LYSMD1: variants seen among roughly 807,000 people sequenced by gnomAD.
LYSMD1 encodes the protein lysM and putative peptidoglycan-binding domain-containing protein 1.
A neutral mutation model predicts 19.3 loss-of-function variants in LYSMD1; 9 were observed. The observed-to-expected ratio is 0.47, with a 90% CI of 0.28 to 0.81. LYSMD1 has a LOEUF of 0.81. Among genes scored for constraint, LYSMD1 ranks in the 40% least tolerant of loss-of-function variants. The pLI, the probability that LYSMD1 is intolerant of heterozygous loss-of-function variation, is 0.11. For missense variants in LYSMD1, 262 were observed against 279.8 expected, an observed-to-expected ratio of 0.94 and a Z score of 0.45; for synonymous variants, 111 against 111.7, an observed-to-expected ratio of 0.99 and a Z score of 0.04.
At chr1:151,148,785 C>T in the LYSMD1 span, among the ~76,000 whole-genome samples, 1 of 152,074 alleles carries the variant, frequency 6.6e-6, no homozygotes, top group South Asian at 2.1e-4. Context: ...AAAAAAAGGT[C>T]CTGTGAGGCT....
the LYSMD1 span, among the ~76,000 whole-genome samples, chr1:151,150,233 G>A: frequency 1.3e-5 from 2 of 152,098 alleles, no homozygotes; most frequent in Admixed American, 6.5e-5. Context: ...TGGGATTACC[G>A]GCGTCAGCCA....
Position 151,165,441 on chromosome 1 carries a change from T to C in LYSMD1, c.-183A>G, listed in dbSNP as rs1182411310. ...CTCCCGGTTTCTCCTCCCTCCAAGC[T>C]ACTTATCCACAAATCTGTCCCTTGA... On this transcript the variant is annotated 5_prime_UTR_variant, in exon 1 of 3. Coordinates refer to ENST00000368908, the MANE Select transcript of LYSMD1 (RefSeq NM_212551.5). 17 of 1,430,388 alleles carry C rather than the reference T, an allele frequency of 1.2e-5. No homozygotes were observed. The South Asian group carries it at 2.6e-4, about 22-fold the overall frequency. 88.6% of individuals were successfully genotyped at this position (1,430,388 alleles called of 1,614,324 possible). A position where few individuals can be genotyped will look rare whatever the true frequency, so the allele number is the denominator to read the frequency against.
At chr1:151,156,471 T>A (rs1163322850), downstream of LYSMD1, among the ~76,000 whole-genome samples, 1 of 152,164 alleles carries the variant, frequency 6.6e-6, no homozygotes, top group Non-Finnish European at 1.5e-5. Flanking sequence ...CAAATCCCTT[T>A]CCCCCCTTCA....
At chr1:151,158,831 T>C, downstream of LYSMD1, 1 of 1,614,154 alleles carries the variant, frequency 6.2e-7, no homozygotes, top group Non-Finnish European at 8.5e-7. Context: ...CTCTACCGTG[T>C]GTCCAAGGAG....
At chr1:151,158,630 C>T (rs1396869835), downstream of LYSMD1, 1 of 1,354,334 alleles carries the variant, frequency 7.4e-7, no homozygotes, top group African/African-American at 1.5e-5. Context: ...AAAGCCATTT[C>T]TCTCTTTCTA....
chr1:151,160,754 G>C lies in LYSMD1; in HGVS notation c.*128C>G. 8.2e-7 allele frequency: 1 copy of C among 1,214,340 alleles called. No homozygotes were observed. Among genetic ancestry groups the C allele is most frequent in the South Asian group, 1.6e-5 (1 of 64,336 alleles). 75.2% of individuals were successfully genotyped at this position (1,214,340 alleles called of 1,614,324 possible). A position where few individuals can be genotyped will look rare whatever the true frequency, so the allele number is the denominator to read the frequency against. On this transcript the variant is annotated 3_prime_UTR_variant, in exon 3 of 3. Transcript: ENST00000368908. ...CAAGGAATTTTTGGCAGACAAGGAGGCTGGGGAGGATGGCTGGAGTGGAGG... is the reference window on the plus strand; with the variant it reads ...CAAGGAATTTTTGGCAGACAAGGAGCCTGGGGAGGATGGCTGGAGTGGAGG...
chr1:151,161,478 C>T (rs1410983508), intron 2 of LYSMD1, among the ~76,000 whole-genome samples: 1 of 149,180 alleles, frequency 6.7e-6, no homozygotes, highest in Non-Finnish European at 1.5e-5. Context: ...GCCTGGGCAA[C>T]AGAGCAAGAC....
At chr1:151,148,734 A>G in the LYSMD1 span, among the ~76,000 whole-genome samples, 1 of 152,174 alleles carries the variant, frequency 6.6e-6, no homozygotes, top group East Asian at 1.9e-4. Context: ...AGCTTCAGCA[A>G]AAGCTTTTAC....
chr1:151,157,511 C>T (rs1683265366), downstream of LYSMD1, among the ~76,000 whole-genome samples: 1 of 152,174 alleles, frequency 6.6e-6, no homozygotes, highest in Admixed American at 6.5e-5. Context: ...TTCAGTGTAG[C>T]AGAAGGCTCA....
downstream of LYSMD1, among the ~76,000 whole-genome samples, chr1:151,158,359 C>T (rs1683301293): frequency 6.6e-6 from 1 of 151,820 alleles, no homozygotes; most frequent in Non-Finnish European, 1.5e-5. Context: ...GTCAGGTAAG[C>T]CCTGTCTTCA....
downstream of LYSMD1, among the ~76,000 whole-genome samples, chr1:151,156,911 T>A (rs1406753382): frequency 6.6e-6 from 1 of 151,972 alleles, no homozygotes; most frequent in African/African-American, 2.4e-5. Context: ...TTGGATGCGG[T>A]GGGGGCAGGG....
intron 2 of LYSMD1, among the ~76,000 whole-genome samples, chr1:151,161,407 G>A (rs11576320): frequency 0.081 from 12,356 of 151,966 alleles, 740 homozygotes; most frequent in Non-Finnish European, 0.11. Flanking sequence ...TGAGGCAGGA[G>A]AATGGCGTGA....
rs987221652 is a variant in LYSMD1 at position 151,165,582 on chromosome 1, T to C, written c.-324A>G. The C allele has an allele frequency of 2.0e-6, 3 of 1,489,822 alleles. No individual in the cohort carries two copies. The highest frequency in any genetic ancestry group is 2.7e-6 in the Non-Finnish European group (3 of 1,124,986). 92.3% of individuals were successfully genotyped at this position (1,489,822 alleles called of 1,614,324 possible). A position where few individuals can be genotyped will look rare whatever the true frequency, so the allele number is the denominator to read the frequency against. The stretch of plus-strand genomic sequence containing the variant: ...ACTCTAGAAATAATCCTCAACACTC[T>C]TTCCTCAGTTTGCCCCCAAGTAGCC... On this transcript the variant is annotated 5_prime_UTR_variant, in exon 1 of 3. Coordinates refer to ENST00000368908, the MANE Select transcript of LYSMD1 (RefSeq NM_212551.5).
At position 151,161,993 on chromosome 1, in the gene LYSMD1, A is replaced by G; in HGVS notation, c.288T>C (p.Gly96=). ...CATCTTTCTCTTCCTCAGAGTCCAA[A>G]CCATTGAACAGGTCTCTGGGCTCTG... The part of the protein sequence containing the change: ...ILTEPRDLFN[G]LDSEEEKDGE... Residue 96 remains glycine (G), a synonymous_variant, in exon 2 of 3, where the codon GGT becomes GGC. Coordinates refer to ENST00000368908, the MANE Select transcript of LYSMD1 (RefSeq NM_212551.5). 6.2e-7 allele frequency: 1 copy of G among 1,613,812 alleles called. No individual in the cohort carries two copies. The highest frequency in any genetic ancestry group is 2.2e-5 in the East Asian group (1 of 44,882).
Position 151,165,730 on chromosome 1 carries a change from A to C in LYSMD1, c.-472T>G, listed in dbSNP as rs769522947. The C allele has an allele frequency of 6.4e-7, 1 of 1,551,726 alleles. No homozygotes were observed. The highest frequency in any genetic ancestry group is 1.2e-5 in the South Asian group (1 of 84,066). ...CGCAGACGAAGAGCGTGAGGATTGC[A>C]AGAATTTGTAGTACACCTTCCACTC... On this transcript the variant is annotated 5_prime_UTR_variant, in exon 1 of 3. Transcript: ENST00000368908.
the LYSMD1 span, among the ~76,000 whole-genome samples, chr1:151,154,022 A>G: frequency 1.6e-4 from 24 of 152,220 alleles, no homozygotes; most frequent in African/African-American, 5.5e-4. Flanking sequence ...AATGAACATT[A>G]TAACATGTGA....
At chr1:151,159,381 G>A (rs932635585), downstream of LYSMD1, 52 of 1,073,298 alleles carry the variant, frequency 4.8e-5, no homozygotes, top group African/African-American at 6.4e-5. Context: ...CTTCCCAAGA[G>A]TGCTTTTGAC....
In LYSMD1 at chr1:151,161,924, G is replaced by C. The variant is rs1461911403; in HGVS notation, c.357C>G (p.His119Gln). 4.3e-6 allele frequency: 7 copies of C among 1,614,130 alleles called. No individual in the cohort carries two copies. In the Admixed American group the frequency reaches 1.0e-4, roughly 23 times the overall value. ...VHPSNSEVWP[H>Q]STERKKQETG... ...TCTCTTGTTTCTTCCTCTCAGTTGA[G>C]TGTGGCCAAACTTCACTGTTACTTG... Residue 119 changes from histidine to glutamine, a missense_variant, in exon 2 of 3, where the codon CAC (histidine) becomes CAG (glutamine). Coordinates refer to ENST00000368908, the MANE Select transcript of LYSMD1 (RefSeq NM_212551.5).
At chr1:151,155,491 T>C (rs939557915), downstream of LYSMD1, among the ~76,000 whole-genome samples, 1 of 152,150 alleles carries the variant, frequency 6.6e-6, no homozygotes, top group African/African-American at 2.4e-5. Context: ...ATCCCAACAC[T>C]TTGGGAGACT....
Sources: gnomAD v4.1 joint callset for allele counts (sites outside exome capture counted in the v4.1 genomes callset) on GRCh38, gnomAD v4.1.1 for gene constraint, MANE v1.5 for transcripts, NCBI Gene and HGNC (gene_info 2026-07-23, HGNC 2026-07-21) for gene names.